XIRP2: variants seen among roughly 807,000 people sequenced by gnomAD.
XIRP2 encodes xin actin-binding repeat-containing protein 2.
XIRP2 carries 236 observed loss-of-function variants against 277.0 expected under a neutral mutation model. That is an observed-to-expected ratio of 0.85 (90% CI 0.77 to 0.95). XIRP2 has a LOEUF of 0.95. Among genes scored for constraint, XIRP2 ranks in the 40% least tolerant of loss-of-function variants. The pLI, the probability that XIRP2 is intolerant of heterozygous loss-of-function variation, is 0.00. For missense variants in XIRP2, 4,640 were observed against 4,157.5 expected, an observed-to-expected ratio of 1.12 and a Z score of -3.19; for synonymous variants, 1,490 against 1,416.5, an observed-to-expected ratio of 1.05 and a Z score of -1.17.
intron 3 of XIRP2, among the ~76,000 whole-genome samples, chr2:167,144,272 A>T (rs1161506521): frequency 6.6e-6 from 1 of 152,168 alleles, no homozygotes; most frequent in Non-Finnish European, 1.5e-5. Context: ...AGCCATAAAT[A>T]TGGAGATAGG....
intron 2 of XIRP2, among the ~76,000 whole-genome samples, chr2:166,905,004 G>A (rs773754665): frequency 3.3e-5 from 5 of 152,054 alleles, no homozygotes; most frequent in Non-Finnish European, 5.9e-5. Context: ...TTTGTTTAAT[G>A]ATAATAAGAG....
At chr2:167,233,568 T>C (rs1002458892) in intron 5 of XIRP2, among the ~76,000 whole-genome samples, 4 of 151,730 alleles carry the variant, frequency 2.6e-5, no homozygotes, top group Admixed American at 2.6e-4. Flanking sequence ...ATAGATAGCA[T>C]TGGTAGGACA....
rs143327900 is a variant in XIRP2, at chr2:167,005,953, G to A, written c.408+102063G>A. Among the ~76,000 whole-genome samples, 39 of 151,794 alleles carry A rather than the reference G, an allele frequency of 2.6e-4. 1 individual carries two copies. In the East Asian group the frequency reaches 6.6e-3, roughly 26 times the overall value. On this transcript the variant is annotated intron_variant, in intron 2 of 10. Transcript: ENST00000409195. ...GCTCCAAATCTGTTTGGTCTGATGC[G>A]TGTCCACATCAGAATCATAACTCTT...
chr2:167,005,389 T>C (rs576564888), intron 2 of XIRP2, among the ~76,000 whole-genome samples: 1 of 151,996 alleles, frequency 6.6e-6, no homozygotes, highest in South Asian at 2.1e-4. Context: ...GGGAACCTTC[T>C]AGACAACACT....
chr2:167,093,584 T>A (rs1690212053), intron 2 of XIRP2, among the ~76,000 whole-genome samples: 1 of 152,134 alleles, frequency 6.6e-6, no homozygotes, highest in Non-Finnish European at 1.5e-5. Context: ...TTTCTGTTCC[T>A]GTGTTAGTTT....
chr2:166,996,697 A>G (rs926204200), intron 2 of XIRP2, among the ~76,000 whole-genome samples: 3 of 152,158 alleles, frequency 2.0e-5, no homozygotes, highest in African/African-American at 7.2e-5. Context: ...AATTCTATAT[A>G]TCTAGTGTAA....
intron 2 of XIRP2, among the ~76,000 whole-genome samples, chr2:166,949,809 A>T (rs899548619): frequency 5.3e-5 from 8 of 152,104 alleles, no homozygotes; most frequent in Non-Finnish European, 1.0e-4. Flanking sequence ...AACTTAATAT[A>T]AAATGTGTCA....
intron 2 of XIRP2, among the ~76,000 whole-genome samples, chr2:167,009,792 G>C (rs1217294475): frequency 3.3e-5 from 5 of 152,248 alleles, no homozygotes; most frequent in East Asian, 1.9e-4. Flanking sequence ...TTGTGGTTTT[G>C]ATTTGCACTT....
At chr2:166,910,109 C>T (rs574183771) in intron 2 of XIRP2, among the ~76,000 whole-genome samples, 13 of 152,184 alleles carry the variant, frequency 8.5e-5, no homozygotes, top group African/African-American at 1.2e-4. Flanking sequence ...TTTGGTATCG[C>T]GATGATGCTG....
chr2:167,085,932 G>T (rs1169669147), intron 2 of XIRP2, among the ~76,000 whole-genome samples: 5 of 152,056 alleles, frequency 3.3e-5, no homozygotes, highest in African/African-American at 7.2e-5. Flanking sequence ...GGAACATTTA[G>T]CCCATTTACA....
At chr2:167,009,686 G>A (rs1431969741) in intron 2 of XIRP2, among the ~76,000 whole-genome samples, 2 of 152,022 alleles carry the variant, frequency 1.3e-5, no homozygotes, top group African/African-American at 4.8e-5. Flanking sequence ...CACCAACAGT[G>A]TAAAAGTGTT....
At chr2:167,199,951 T>C (rs1693633140) in intron 3 of XIRP2, among the ~76,000 whole-genome samples, 1 of 152,150 alleles carries the variant, frequency 6.6e-6, no homozygotes, top group African/African-American at 2.4e-5. Context: ...AAAAAAGTTA[T>C]GTCAAAGAGG....
At chr2:167,039,668 A>T (rs966798965) in intron 2 of XIRP2, among the ~76,000 whole-genome samples, 1 of 152,222 alleles carries the variant, frequency 6.6e-6, no homozygotes, top group Non-Finnish European at 1.5e-5. Flanking sequence ...AGGCTGATAG[A>T]CAAGAGTAGA....
In XIRP2 at chr2:167,010,577, T is replaced by C. The variant is rs1417503848; in HGVS notation, c.408+106687T>C. Reference sequence around the variant, plus strand: ...GGCTCTTTTTTGGTTCCATATGAACTTTAAATTAGTTTTTTCCAATTCTGT... The same window carrying C: ...GGCTCTTTTTTGGTTCCATATGAACCTTAAATTAGTTTTTTCCAATTCTGT... On this transcript the variant is annotated intron_variant, in intron 2 of 10. Coordinates refer to ENST00000409195, the MANE Select transcript of XIRP2 (RefSeq NM_152381.6). Among the ~76,000 whole-genome samples, 4 of 152,168 alleles carry C rather than the reference T, an allele frequency of 2.6e-5. No homozygotes were observed. In the East Asian group the frequency reaches 7.7e-4, roughly 29 times the overall value.
chr2:167,256,717 A>G (rs1004310937), intron 10 of XIRP2, among the ~76,000 whole-genome samples: 4 of 151,858 alleles, frequency 2.6e-5, no homozygotes, highest in Non-Finnish European at 5.9e-5. Flanking sequence ...AGTTTTCCCA[A>G]ACCTTAGAAG....
At chr2:166,939,261 T>G (rs2105379136) in intron 2 of XIRP2, among the ~76,000 whole-genome samples, 1 of 152,296 alleles carries the variant, frequency 6.6e-6, no homozygotes, top group South Asian at 2.1e-4. Flanking sequence ...AGTGCTTCCT[T>G]CAGGAGCTCT....
intron 5 of XIRP2, among the ~76,000 whole-genome samples, chr2:167,236,576 C>A (rs898407536): frequency 1.3e-5 from 2 of 151,938 alleles, no homozygotes; most frequent in South Asian, 4.2e-4. Context: ...TTTTTCTTTC[C>A]TTTAATGCCT....
At chr2:166,980,822 TTTTTCC>T (rs1218059563) in intron 2 of XIRP2, among the ~76,000 whole-genome samples, 1 of 152,194 alleles carries the variant, frequency 6.6e-6, no homozygotes, top group Non-Finnish European at 1.5e-5. Context: ...TTTTTTTTTC[TTTTTCC>T]TATTCTGCCT....
chr2:167,073,648 T>G (rs1363977937), intron 2 of XIRP2, among the ~76,000 whole-genome samples: 2 of 152,168 alleles, frequency 1.3e-5, no homozygotes, highest in Non-Finnish European at 2.9e-5. Context: ...AATTAGAGGC[T>G]TGAATAAGGA....
Sources: allele counts gnomAD v4.1 joint callset (sites outside exome capture counted in the v4.1 genomes callset), GRCh38; gene constraint gnomAD v4.1.1; transcripts MANE v1.5; gene names NCBI Gene and HGNC (gene_info 2026-07-23, HGNC 2026-07-21).